KRT86: variants seen among roughly 807,000 people sequenced by gnomAD.
The protein encoded by KRT86 is keratin 86, also known as keratin, type II cuticular Hb6.
KRT86 carries 30 observed loss-of-function variants against 41.2 expected under a neutral mutation model. The ratio of observed to expected loss-of-function variants is 0.73; its 90% CI spans 0.54 to 0.99. The LOEUF (loss-of-function observed/expected upper bound fraction) is 0.99, where lower values mean the gene tolerates loss of function less well. Among genes scored for constraint, KRT86 ranks in the 50% least tolerant of loss-of-function variants. The probability of loss-of-function intolerance (pLI) is 0.00; values close to 1 mark genes in which losing one functional copy is unlikely to be tolerated. For missense variants in KRT86, 561 were observed against 571.4 expected (o/e 0.98, Z 0.19); for synonymous variants, 238 against 238.1 (o/e 1.00, Z 0.00).
intron 2 of KRT86, among the ~76,000 whole-genome samples, chr12:52,285,114 C>T (rs1937883016): frequency 6.6e-6 from 1 of 152,208 alleles, no homozygotes; most frequent in African/African-American, 2.4e-5. Flanking sequence ...TTTAACTCAT[C>T]AACTTATGAG....
chr12:52,286,093 A>G, intron 2 of KRT86: 2 of 692,222 alleles, frequency 2.9e-6, no homozygotes, highest in Non-Finnish European at 5.0e-6. Flanking sequence ...GGCAGAGCCC[A>G]GAAGTGGGGG....
At chr12:52,306,579 G>T in intron 9 of KRT86, 2 of 535,118 alleles carry the variant, frequency 3.7e-6, no homozygotes, top group African/African-American at 1.9e-5. Context: ...CCTGGGTAGT[G>T]CTTCTTCCCT....
chr12:52,301,800 C>G, intron 2 of KRT86, 113 bp from the exon 3 acceptor site: 2 of 1,609,012 alleles, frequency 1.2e-6, no homozygotes, highest in Admixed American at 1.7e-5. Context: ...CACAGTCTCC[C>G]CACTTATATA....
intron 2 of KRT86, among the ~76,000 whole-genome samples, chr12:52,281,827 C>T (rs1451229141): frequency 6.6e-6 from 1 of 152,212 alleles, no homozygotes; most frequent in Non-Finnish European, 1.5e-5. Flanking sequence ...CAGCCTCAAC[C>T]TCCTGGGCTG....
chr12:52,285,919 A>C, intron 2 of KRT86: 3 of 380,486 alleles, frequency 7.9e-6, no homozygotes, highest in Non-Finnish European at 5.0e-6. Flanking sequence ...CAGGTTGGCT[A>C]CATTAATTTA....
At chr12:52,278,267 A>G (rs917016920) in intron 2 of KRT86, among the ~76,000 whole-genome samples, 2 of 152,124 alleles carry the variant, frequency 1.3e-5, no homozygotes, top group African/African-American at 4.8e-5. Context: ...AGGTCCTATT[A>G]TCCCCATTTT....
At chr12:52,289,244 C>T in intron 2 of KRT86, 1 of 246,830 alleles carries the variant, frequency 4.1e-6, no homozygotes, top group South Asian at 2.4e-5. Context: ...TCGTTCTCAG[C>T]TGTTGCTCTC....
In KRT86 at chr12:52,309,055, C is replaced by G. The variant is rs141418442; in HGVS notation, c.*470C>G. Reference sequence around the variant, plus strand: ...GCCCACGCGTGTGGGGAGAACATCTCCCTTCCGGGGCTGCCCTCAAGAGCT... The same window carrying G: ...GCCCACGCGTGTGGGGAGAACATCTGCCTTCCGGGGCTGCCCTCAAGAGCT... On this transcript the variant is annotated 3_prime_UTR_variant, in exon 11 of 11. Coordinates refer to ENST00000423955, the MANE Select transcript of KRT86 (RefSeq NM_001320198.2). 139 of 161,080 alleles carry G rather than the reference C, an allele frequency of 8.6e-4. No homozygotes were observed. Among genetic ancestry groups the G allele is most frequent in the Middle Eastern group, 6.3e-3 (2 of 316 alleles). The allele number at this position is 161,080 out of a possible 1,614,324, so 10.0% of individuals were successfully genotyped here.
rs57242951 is a variant in KRT86, at chr12:52,302,113, G to A, written c.197G>A (p.Arg66His). 18,448 of 1,555,630 alleles carry A rather than the reference G, an allele frequency of 0.012. 126 individuals are homozygous for A. The highest frequency in any genetic ancestry group is 0.014 in the Non-Finnish European group (16,325 of 1,151,410). The change falls in exon 3 of 11, where the codon CGC becomes CAC. Residue 66 changes from arginine to histidine, a missense_variant. Around this residue, in one of 3 missense-constraint regions of KRT86, gnomAD observed 164 missense variants for 172.5 expected, o/e 0.95. Transcript: ENST00000423955. ...AGSCGRSFGY[R>H]SGGVCGPSPP... Reference sequence around the variant, plus strand: ...TCCTGCGGACGCAGCTTCGGCTACCGCTCCGGGGGCGTGTGCGGGCCCAGT... The same window carrying A: ...TCCTGCGGACGCAGCTTCGGCTACCACTCCGGGGGCGTGTGCGGGCCCAGT...
chr12:52,308,709 C>G lies in KRT86; in HGVS notation c.*124C>G, dbSNP rs559456695. 1.7e-3 allele frequency: 1,610 copies of G among 944,296 alleles called. 5 individuals are homozygous for G. Among genetic ancestry groups the G allele is most frequent in the Non-Finnish European group, 2.4e-3 (1,507 of 625,956 alleles). The allele number at this position is 944,296 out of a possible 1,614,324, so 58.5% of individuals were successfully genotyped here. ...CGCCGCCCGCTGCCTGCACTCTAAG[C>G]GCCCTCCCCACCGCTCCGCTCCGGG... On this transcript the variant is annotated 3_prime_UTR_variant, in exon 11 of 11. Coordinates refer to ENST00000423955, the MANE Select transcript of KRT86 (RefSeq NM_001320198.2).
chr12:52,277,527 A>T (rs1196786490), intron 2 of KRT86: 1 of 152,286 alleles, frequency 6.6e-6, no homozygotes, highest in African/African-American at 2.4e-5. Flanking sequence ...AACTAGAGGA[A>T]GTCAAGGACC....
At chr12:52,276,475 G>A (rs1465892137) in intron 2 of KRT86, among the ~76,000 whole-genome samples, 1 of 152,162 alleles carries the variant, frequency 6.6e-6, no homozygotes, top group East Asian at 1.9e-4. Context: ...CCCATCCTTT[G>A]GATGTGAGGC....
In KRT86 at chr12:52,302,014, G is replaced by T. The variant is rs552266351; in HGVS notation, c.98G>T (p.Arg33Leu). 6.8e-6 allele frequency: 11 copies of T among 1,611,946 alleles called. 1 individual carries two copies. Among genetic ancestry groups the T allele is most frequent in the South Asian group, 4.4e-5 (4 of 90,980 alleles). Residue 33 changes from arginine (R) to leucine (L), a missense_variant, in exon 3 of 11, where the codon CGT becomes CTT. Transcript: ENST00000423955. ...TGCTGCATCACCGCCGCCCCCTACC[G>T]TGGCATCTCCTGCTACCGCGGCCTC... ...GRCCITAAPYRGISCYRGLTG... is the reference protein window; with the variant it reads ...GRCCITAAPYLGISCYRGLTG...
chr12:52,286,353 A>G (rs1343394070), intron 2 of KRT86: 3 of 1,555,114 alleles, frequency 1.9e-6, no homozygotes, highest in South Asian at 1.2e-5. Flanking sequence ...GTGGTGTTCA[A>G]TTGGCCGCAG....
At position 52,302,042 on chromosome 12, in the gene KRT86, C is replaced by T. The variant is rs755794129; in HGVS notation, c.126C>T (p.Thr42=). 8 of 1,607,758 alleles carry T rather than the reference C, an allele frequency of 5.0e-6. No individual in the cohort carries two copies. The Admixed American group carries it at 1.0e-4, about 20-fold the overall frequency. ...GCATCTCCTGCTACCGCGGCCTCAC[C>T]GGGGGCTTCGGCAGCCACAGCGTGT... is the stretch of plus-strand genomic sequence containing the variant. ...YRGISCYRGL[T]GGFGSHSVCG... is the part of the protein sequence containing the mutation. Residue 42 remains threonine (T), a synonymous_variant, in exon 3 of 11, where the codon ACC becomes ACT. Coordinates refer to ENST00000423955, the MANE Select transcript of KRT86 (RefSeq NM_001320198.2).
At chr12:52,287,785 A>G in intron 2 of KRT86, 3 of 1,613,816 alleles carry the variant, frequency 1.9e-6, no homozygotes, top group Non-Finnish European at 1.7e-6. Context: ...AGGACACCAC[A>G]GATGATTTTG....
chr12:52,302,391 T>A, intron 3 of KRT86, 106 bp downstream of exon 3: 2 of 420,352 alleles, frequency 4.8e-6, no homozygotes, highest in Non-Finnish European at 8.0e-6. Context: ...CTGCCTGAGA[T>A]CCCAGTCTGA....
chr12:52,286,341 AG>A, intron 2 of KRT86: 1 of 1,555,218 alleles, frequency 6.4e-7, no homozygotes, highest in Non-Finnish European at 8.7e-7. Context: ...CCCCCTCCGC[AG>A]GTGGTGTTCA....
chr12:52,300,267 G>A (rs1343626723), intron 2 of KRT86, among the ~76,000 whole-genome samples: 1 of 152,138 alleles, frequency 6.6e-6, no homozygotes, highest in Non-Finnish European at 1.5e-5. Flanking sequence ...ATGACATAAG[G>A]TGCAATCTGC....
Sources: gnomAD v4.1 joint callset for allele counts (sites outside exome capture counted in the v4.1 genomes callset) on GRCh38, gnomAD v4.1.1 for gene constraint, gnomAD v4.1.1 regional missense constraint, MANE v1.5 for transcripts, NCBI Gene and HGNC (gene_info 2026-07-23, HGNC 2026-07-21) for gene names.